PPM1H: variants seen among roughly 807,000 people sequenced by gnomAD.
The protein encoded by PPM1H is protein phosphatase 1H.
PPM1H carries 27 observed loss-of-function variants against 54.9 expected under a neutral mutation model. The ratio of observed to expected loss-of-function variants is 0.49; its 90% CI spans 0.36 to 0.68. The LOEUF is 0.68. Ranked by LOEUF, PPM1H falls within the 30% of genes least tolerant of loss-of-function variation. PPM1H has a pLI of 0.00. For missense variants in PPM1H, 596 were observed against 667.8 expected, an observed-to-expected ratio of 0.89 and a Z score of 1.19; for synonymous variants, 305 against 270.8, an observed-to-expected ratio of 1.13 and a Z score of -1.24.
intron 4 of PPM1H, among the ~76,000 whole-genome samples, chr12:62,769,085 T>G (rs2076562830): frequency 6.6e-6 from 1 of 151,638 alleles, no homozygotes; most frequent in Non-Finnish European, 1.5e-5. Context: ...ATCCTGAGAG[T>G]TCTTGCAGAA....
intron 4 of PPM1H, among the ~76,000 whole-genome samples, chr12:62,754,901 G>A (rs1389835302): frequency 6.6e-6 from 1 of 152,148 alleles, no homozygotes; most frequent in Non-Finnish European, 1.5e-5. Context: ...CAGCTCTGTG[G>A]CATGGCTGTC....
chr12:62,853,041 A>C (rs1489548502), intron 1 of PPM1H, among the ~76,000 whole-genome samples: 2 of 152,204 alleles, frequency 1.3e-5, no homozygotes, highest in Non-Finnish European at 2.9e-5. Flanking sequence ...TCAAAAGGTC[A>C]ACCTTATAAT....
At chr12:62,679,924 T>C (rs1320256681) in intron 8 of PPM1H, among the ~76,000 whole-genome samples, 1 of 152,232 alleles carries the variant, frequency 6.6e-6, no homozygotes, top group Non-Finnish European at 1.5e-5. Flanking sequence ...CAGATGATTA[T>C]TACTTTCACC....
At chr12:62,912,387 G>A (rs1871487850) in intron 1 of PPM1H, among the ~76,000 whole-genome samples, 1 of 152,148 alleles carries the variant, frequency 6.6e-6, no homozygotes, top group South Asian at 2.1e-4. Context: ...GTCCATTTCA[G>A]GTTGGCTCCG....
intron 2 of PPM1H, among the ~76,000 whole-genome samples, chr12:62,824,106 A>G (rs899418658): frequency 3.3e-5 from 5 of 151,716 alleles, no homozygotes; most frequent in African/African-American, 1.2e-4. Context: ...TACACCAATA[A>G]CAGACAAACA....
At chr12:62,804,987 T>C (rs2076798180) in intron 2 of PPM1H, among the ~76,000 whole-genome samples, 1 of 152,222 alleles carries the variant, frequency 6.6e-6, no homozygotes, top group Non-Finnish European at 1.5e-5. Context: ...TTTTGGTTAA[T>C]TTCTACTGCA....
At chr12:62,821,153 A>C (rs994656745) in intron 2 of PPM1H, among the ~76,000 whole-genome samples, 1 of 152,238 alleles carries the variant, frequency 6.6e-6, no homozygotes, top group African/African-American at 2.4e-5. Context: ...AATTCGATCA[A>C]GTGGAAGAAA....
intron 6 of PPM1H, among the ~76,000 whole-genome samples, chr12:62,719,003 T>C (rs1315858485): frequency 6.6e-6 from 1 of 152,228 alleles, no homozygotes; most frequent in Non-Finnish European, 1.5e-5. Flanking sequence ...GGTGTAGCTA[T>C]ATTTTTAAAA....
At chr12:62,838,692 CGGGCGGATCACGA>C (rs1163233778) in intron 1 of PPM1H, among the ~76,000 whole-genome samples, 2 of 142,446 alleles carry the variant, frequency 1.4e-5, no homozygotes, top group Non-Finnish European at 3.0e-5. Context: ...GAGGCCGAGG[CGGGCGGATCACGA>C]GGTCAGGAGA....
chr12:62,728,191 G>A (rs565740077), intron 5 of PPM1H, among the ~76,000 whole-genome samples: 20 of 152,266 alleles, frequency 1.3e-4, no homozygotes, highest in Non-Finnish European at 2.5e-4. Context: ...CCAAATGCAA[G>A]TAACCAAGAC....
intron 1 of PPM1H, among the ~76,000 whole-genome samples, chr12:62,864,842 C>A (rs1315078585): frequency 6.6e-6 from 1 of 152,168 alleles, no homozygotes; most frequent in African/African-American, 2.4e-5. Flanking sequence ...AGAAATGGCA[C>A]AAATTTGAGT....
chr12:62,776,292 T>C (rs1413950774), intron 4 of PPM1H, among the ~76,000 whole-genome samples: 1 of 152,144 alleles, frequency 6.6e-6, no homozygotes, highest in Non-Finnish European at 1.5e-5. Flanking sequence ...CTATCCCCCA[T>C]GACTCTTTCC....
chr12:62,706,635 G>C (rs1051582526), intron 6 of PPM1H, among the ~76,000 whole-genome samples: 2 of 152,178 alleles, frequency 1.3e-5, no homozygotes, highest in African/African-American at 2.4e-5. Context: ...ATAAGAAAAT[G>C]GAGGCATAAG....
chr12:62,927,694 GAA>G (rs1181149942), intron 1 of PPM1H, among the ~76,000 whole-genome samples: 2 of 150,280 alleles, frequency 1.3e-5, no homozygotes, highest in Non-Finnish European at 3.0e-5. Flanking sequence ...AAAGAAAAAA[GAA>G]AATAATATAC....
chr12:62,846,190 G>T (rs1209879590), intron 1 of PPM1H, among the ~76,000 whole-genome samples: 1 of 152,190 alleles, frequency 6.6e-6, no homozygotes, highest in Non-Finnish European at 1.5e-5. Flanking sequence ...GGGCTCTGAA[G>T]ATTTCAGGAT....
chr12:62,931,938 T>G (rs1872148738), intron 1 of PPM1H, among the ~76,000 whole-genome samples: 2 of 152,180 alleles, frequency 1.3e-5, no homozygotes, highest in African/African-American at 4.8e-5. Context: ...ATATGCTTAG[T>G]ATGAGTCTAT....
In PPM1H at chr12:62,793,617, G is replaced by A. The variant is rs181991591; in HGVS notation, c.757-5279C>T. Among the ~76,000 whole-genome samples, 226 of 151,914 alleles carry A rather than the reference G, an allele frequency of 1.5e-3. 4 individuals are homozygous for A. The highest frequency in any genetic ancestry group is 0.013 in the Admixed American group (203 of 15,246). ...CGCATGCTTGTAACCCCAGCTACTC[G>A]GGAGGTTGAGGCAGGAGAATTGCTT... On this transcript the variant is annotated intron_variant, in intron 3 of 9. Coordinates refer to ENST00000228705, the MANE Select transcript of PPM1H (RefSeq NM_020700.2).
At chr12:62,743,838 C>A (rs150748752) in intron 4 of PPM1H, among the ~76,000 whole-genome samples, 41 of 151,898 alleles carry the variant, frequency 2.7e-4, no homozygotes, top group African/African-American at 9.4e-4. Context: ...AAAGTAAAAG[C>A]AATATATAAT....
Position 62,832,199 on chromosome 12 carries a change from G to A in PPM1H, c.326C>T (p.Ala109Val), listed in dbSNP as rs758428692. Residue 109 changes from alanine to valine, a missense_variant, in exon 2 of 10, where the codon GCC becomes GTC. Physicochemically the swap from Ala to Val is moderately conservative, Grantham distance 64. This residue lies in a region of PPM1H where 382 missense variants were observed against 387.1 expected (regional missense o/e 0.99). Transcript: ENST00000228705. ...GTTCCTGTTTGGGGTTGAGGTCACG[G>A]CCCCTGCCTTCTTCTTCACAGTGAG... The part of the protein sequence containing the change: ...EVLTVKKKAG[A>V]VTSTPNRNSS... 3.7e-6 allele frequency: 6 copies of A among 1,613,580 alleles called. No homozygotes were observed. Among genetic ancestry groups the A allele is most frequent in the Non-Finnish European group, 5.1e-6 (6 of 1,179,742 alleles).
Sources: allele counts gnomAD v4.1 joint callset (sites outside exome capture counted in the v4.1 genomes callset), GRCh38; gene constraint gnomAD v4.1.1; regional missense constraint gnomAD v4.1.1; transcripts MANE v1.5; gene names NCBI Gene and HGNC (gene_info 2026-07-23, HGNC 2026-07-21).